The following PDE1C variants were observed in gnomAD, a reference collection of about 807,000 sequenced individuals.
PDE1C encodes the protein dual specificity calcium/calmodulin-dependent 3',5'-cyclic nucleotide phosphodiesterase 1C.
In PDE1C, 62 loss-of-function variants were observed where a neutral mutation model predicts 93.1. That is an observed-to-expected ratio of 0.67 (90% CI 0.54 to 0.82). The LOEUF is 0.82. Among genes scored for constraint, PDE1C ranks in the 40% least tolerant of loss-of-function variants. PDE1C has a pLI of 0.00. For missense variants in PDE1C, 742 were observed against 884.6 expected, an observed-to-expected ratio of 0.84 and a Z score of 2.04; for synonymous variants, 325 against 310.1, an observed-to-expected ratio of 1.05 and a Z score of -0.50.
intron 4 of PDE1C, 98 bp downstream of exon 4, chr7:31,878,898 A>G: frequency 1.7e-6 from 2 of 1,209,540 alleles, no homozygotes; most frequent in Non-Finnish European, 2.4e-6. Context: ...CAGTATTTAT[A>G]AAGATAGGAA....
intron 1 of PDE1C, among the ~76,000 whole-genome samples, chr7:32,270,481 A>T (rs1050211310): frequency 1.2e-4 from 18 of 152,134 alleles, no homozygotes; most frequent in African/African-American, 4.3e-4. Flanking sequence ...TTCAAATGTG[A>T]CCACTCCACC....
chr7:32,368,604 C>A (rs1446964915), intron 1 of PDE1C, among the ~76,000 whole-genome samples: 1 of 152,156 alleles, frequency 6.6e-6, no homozygotes, highest in East Asian at 1.9e-4. Flanking sequence ...ATTCAATGAA[C>A]CTCTACCAAA....
At chr7:31,683,574 A>G in the PDE1C span, among the ~76,000 whole-genome samples, 1 of 152,014 alleles carries the variant, frequency 6.6e-6, no homozygotes, top group Non-Finnish European at 1.5e-5. Flanking sequence ...GAGACAGCTC[A>G]CTCTCCTCTC....
chr7:32,280,490 T>C (rs1334418527), intron 1 of PDE1C, among the ~76,000 whole-genome samples: 2 of 152,198 alleles, frequency 1.3e-5, no homozygotes, highest in African/African-American at 4.8e-5. Flanking sequence ...CTCTTCATTA[T>C]ATCATTACAA....
At chr7:32,369,143 G>A (rs1357742885) in intron 1 of PDE1C, among the ~76,000 whole-genome samples, 1 of 152,030 alleles carries the variant, frequency 6.6e-6, no homozygotes, top group East Asian at 1.9e-4. Context: ...ATAATCAGAT[G>A]GGATTGTATC....
chr7:31,721,233 G>A, the PDE1C span, among the ~76,000 whole-genome samples: 3 of 152,290 alleles, frequency 2.0e-5, no homozygotes, highest in East Asian at 1.9e-4. Context: ...AGAAATGATC[G>A]ACCCTCAGCA....
At chr7:31,684,172 C>T in the PDE1C span, among the ~76,000 whole-genome samples, 312 of 152,188 alleles carry the variant, frequency 2.1e-3, 2 homozygotes, top group African/African-American at 7.1e-3. Context: ...TGTACGAAGC[C>T]CTGGGAAAAA....
chr7:31,987,292 CAG>C (rs1783536791), intron 2 of PDE1C, among the ~76,000 whole-genome samples: 1 of 152,122 alleles, frequency 6.6e-6, no homozygotes, highest in Non-Finnish European at 1.5e-5. Flanking sequence ...GAAATGTAAA[CAG>C]AGAGATGCAA....
intron 16 of PDE1C, chr7:31,786,085 A>C (rs961983314): frequency 2.0e-5 from 3 of 152,204 alleles, no homozygotes; most frequent in Admixed American, 6.5e-5. Flanking sequence ...GTGCTGTACC[A>C]ATCATATTAT....
chr7:31,683,578 T>C, the PDE1C span, among the ~76,000 whole-genome samples: 1 of 152,112 alleles, frequency 6.6e-6, no homozygotes, highest in Non-Finnish European at 1.5e-5. Flanking sequence ...CAGCTCACTC[T>C]CCTCTCTAAG....
rs370661003 is a variant in PDE1C at position 31,913,016 on chromosome 7, A to G, written c.129-32156T>C. On this transcript the variant is annotated intron_variant, in intron 2 of 17. Coordinates refer to ENST00000396191, the MANE Select transcript of PDE1C (RefSeq NM_001191057.4). ...ACCTATAGTAATATTTCATATTTTA[A>G]CCTGTAGTTTTGGTGATCAAGAGAC... 4.8e-4 allele frequency among the ~76,000 whole-genome samples: 73 copies of G among 152,260 alleles called. No homozygotes were observed. In the South Asian group the frequency reaches 0.015, roughly 31 times the overall value.
intron 1 of PDE1C, among the ~76,000 whole-genome samples, chr7:32,412,608 C>T (rs1269936615): frequency 6.6e-6 from 1 of 152,172 alleles, no homozygotes; most frequent in Admixed American, 6.5e-5. Flanking sequence ...ACCACAAACA[C>T]GTGAGTAATC....
intron 17 of PDE1C, among the ~76,000 whole-genome samples, chr7:31,769,349 A>T (rs1453700794): frequency 6.6e-6 from 1 of 152,176 alleles, no homozygotes; most frequent in Non-Finnish European, 1.5e-5. Flanking sequence ...ATAGCATTTA[A>T]GGTTTCCTCA....
chr7:32,287,929 G>T (rs540686550), intron 1 of PDE1C, among the ~76,000 whole-genome samples: 1 of 152,196 alleles, frequency 6.6e-6, no homozygotes, highest in Non-Finnish European at 1.5e-5. Context: ...CTGGCTGGGC[G>T]CAGTGCCTCA....
intron 17 of PDE1C, among the ~76,000 whole-genome samples, chr7:31,758,154 G>A (rs1052520053): frequency 7.2e-5 from 11 of 152,092 alleles, no homozygotes; most frequent in African/African-American, 2.4e-4. Context: ...TCATGGGGTG[G>A]GGGGAGGCAG....
At chr7:32,376,841 C>G (rs1176566284) in intron 1 of PDE1C, among the ~76,000 whole-genome samples, 1 of 152,150 alleles carries the variant, frequency 6.6e-6, no homozygotes, top group Non-Finnish European at 1.5e-5. Context: ...GCGCCCGCCA[C>G]CACGCCGGGT....
the PDE1C span, among the ~76,000 whole-genome samples, chr7:31,743,222 T>C: frequency 2.6e-5 from 4 of 152,220 alleles, no homozygotes; most frequent in Non-Finnish European, 5.9e-5. Flanking sequence ...TCATTACATT[T>C]AATATCAAGT....
chr7:31,676,831 G>T, the PDE1C span, among the ~76,000 whole-genome samples: 1 of 152,080 alleles, frequency 6.6e-6, no homozygotes, highest in Non-Finnish European at 1.5e-5. Flanking sequence ...AAGTCATGGT[G>T]GGGAAATGAT....
chr7:31,797,550 G>A (rs1785461562), intron 16 of PDE1C, among the ~76,000 whole-genome samples: 1 of 151,714 alleles, frequency 6.6e-6, no homozygotes, highest in Non-Finnish European at 1.5e-5. Flanking sequence ...AATTTTTAAG[G>A]TAAGTAGAAG....
Sources: gnomAD v4.1 joint callset for allele counts (sites outside exome capture counted in the v4.1 genomes callset) on GRCh38, gnomAD v4.1.1 for gene constraint, MANE v1.5 for transcripts, NCBI Gene and HGNC (gene_info 2026-07-23, HGNC 2026-07-21) for gene names.